Variants in EBF1 observed in about 807,000 individuals in gnomAD.
The protein encoded by EBF1 is EBF transcription factor 1.
Under a neutral mutation model 68.4 loss-of-function variants are expected in EBF1, and 10 were observed. The ratio of observed to expected loss-of-function variants is 0.15; its 90% confidence interval spans 0.09 to 0.25. EBF1 has a LOEUF of 0.25. EBF1 is among the 10% of genes least tolerant of loss of function. The probability of loss-of-function intolerance (pLI) is 1.00; values close to 1 mark genes in which losing one functional copy is unlikely to be tolerated. For missense variants in EBF1, 509 were observed against 794.4 expected (o/e 0.64, Z 4.32); for synonymous variants, 298 against 299.8 (o/e 0.99, Z 0.06).
At chr5:159,006,965 C>T (rs188924645) in intron 6 of EBF1, among the ~76,000 whole-genome samples, 4 of 152,284 alleles carry the variant, frequency 2.6e-5, no homozygotes, top group Admixed American at 2.0e-4. Flanking sequence ...AAGAATGTCA[C>T]CTTCCTATTA....
intron 4 of EBF1, 25 bp downstream of exon 4, chr5:159,095,595 C>G: frequency 6.2e-7 from 1 of 1,613,366 alleles, no homozygotes. Flanking sequence ...TAGAGCCCCC[C>G]GTGGCCCAAA....
intron 11 of EBF1, among the ~76,000 whole-genome samples, chr5:158,728,300 G>A (rs1763406675): frequency 6.6e-6 from 1 of 152,126 alleles, no homozygotes. Context: ...GCCGTGGAGT[G>A]TTTCCTTAAC....
chr5:158,808,293 T>C (rs1294473912), intron 8 of EBF1, among the ~76,000 whole-genome samples: 1 of 152,178 alleles, frequency 6.6e-6, no homozygotes, highest in Admixed American at 6.5e-5. Flanking sequence ...AAAGAGCAAA[T>C]ACTCGCACTT....
chr5:158,773,965 A>T (rs1272971421), intron 10 of EBF1, among the ~76,000 whole-genome samples: 1 of 152,184 alleles, frequency 6.6e-6, no homozygotes. Flanking sequence ...CAATCCTGTG[A>T]TTAGATAGTG....
At chr5:158,883,300 A>ATATATACATACATACATGTG in intron 6 of EBF1, among the ~76,000 whole-genome samples, 1 of 152,002 alleles carries the variant, frequency 6.6e-6, no homozygotes, top group East Asian at 1.9e-4. Context: ...ACAGGAACAT[A>ATATATACATACATACATGTG]TATATACATA....
At chr5:158,836,106 G>T (rs566332937) in intron 7 of EBF1, among the ~76,000 whole-genome samples, 34 of 152,292 alleles carry the variant, frequency 2.2e-4, no homozygotes, top group South Asian at 1.9e-3. Flanking sequence ...GCTTGGGGTG[G>T]AGGCAAAACG....
chr5:158,973,084 G>A (rs1012568443), intron 6 of EBF1, among the ~76,000 whole-genome samples: 7 of 152,164 alleles, frequency 4.6e-5, no homozygotes, highest in African/African-American at 7.2e-5. Flanking sequence ...ACCATTTGAC[G>A]TACTGGATAT....
chr5:158,861,090 G>C (rs1247158444), intron 6 of EBF1, among the ~76,000 whole-genome samples: 2 of 152,136 alleles, frequency 1.3e-5, no homozygotes, highest in Non-Finnish European at 2.9e-5. Flanking sequence ...GGGGTGATGA[G>C]TAAAATCAAC....
At chr5:158,920,454 T>C (rs1299100315) in intron 6 of EBF1, among the ~76,000 whole-genome samples, 1 of 152,246 alleles carries the variant, frequency 6.6e-6, no homozygotes, top group East Asian at 1.9e-4. Flanking sequence ...TGTCGTTCCC[T>C]GCCCTCCAAT....
chr5:158,886,593 G>C (rs952073208), intron 6 of EBF1, among the ~76,000 whole-genome samples: 2 of 152,172 alleles, frequency 1.3e-5, no homozygotes, highest in Non-Finnish European at 2.9e-5. Flanking sequence ...TTTACTTCTA[G>C]CCAGATATTT....
At chr5:158,995,976 A>G (rs1761334981) in intron 6 of EBF1, among the ~76,000 whole-genome samples, 2 of 152,174 alleles carry the variant, frequency 1.3e-5, no homozygotes, top group African/African-American at 2.4e-5. Context: ...TGCTGCATGA[A>G]GAGGACTTAG....
intron 6 of EBF1, among the ~76,000 whole-genome samples, chr5:158,862,602 C>T (rs1359007818): frequency 5.9e-5 from 9 of 152,072 alleles, no homozygotes; most frequent in Non-Finnish European, 4.4e-5. Context: ...CAAAGCAAGT[C>T]AATATTGGAT....
chr5:158,962,040 T>TACAA (rs1467249800), intron 6 of EBF1, among the ~76,000 whole-genome samples: 1 of 152,300 alleles, frequency 6.6e-6, no homozygotes, highest in African/African-American at 2.4e-5. Flanking sequence ...CATCTTTCCA[T>TACAA]ACAAACGCTG....
At chr5:158,714,472 C>T (rs1485173164) in intron 11 of EBF1, among the ~76,000 whole-genome samples, 2 of 152,108 alleles carry the variant, frequency 1.3e-5, no homozygotes, top group Non-Finnish European at 2.9e-5. Context: ...AATACAATTC[C>T]TAGGTCATTT....
rs1310454560 is a variant in EBF1 at position 158,696,473 on chromosome 5, C to G, written c.*2638G>C. On this transcript the variant is annotated 3_prime_UTR_variant, in exon 16 of 16. Coordinates refer to ENST00000313708, the MANE Select transcript of EBF1 (RefSeq NM_024007.5). Reference sequence around the variant, plus strand: ...GTCAAGGTCTAAGCCGGACACCTTCCCGGCTGACCGTTCATTCCTTCAGAA... The same window carrying G: ...GTCAAGGTCTAAGCCGGACACCTTCGCGGCTGACCGTTCATTCCTTCAGAA... The G allele has an allele frequency of 4.5e-6, 1 of 223,068 alleles. No individual in the cohort carries two copies. The highest frequency in any genetic ancestry group is 9.0e-6 in the Non-Finnish European group (1 of 111,728). 13.8% of individuals were successfully genotyped at this position (223,068 alleles called of 1,614,324 possible).
intron 10 of EBF1, among the ~76,000 whole-genome samples, chr5:158,756,124 C>T (rs1400758822): frequency 6.6e-6 from 1 of 152,102 alleles, no homozygotes; most frequent in Admixed American, 6.6e-5. Flanking sequence ...GTGAGTTCTA[C>T]TGGAGTCTTG....
At chr5:158,980,969 A>G (rs1757779202) in intron 6 of EBF1, among the ~76,000 whole-genome samples, 1 of 152,190 alleles carries the variant, frequency 6.6e-6, no homozygotes, top group Admixed American at 6.5e-5. Flanking sequence ...CTAAAACATG[A>G]TGAATATTTA....
chr5:159,065,567 C>T (rs539939046), intron 6 of EBF1, among the ~76,000 whole-genome samples: 8 of 152,200 alleles, frequency 5.3e-5, no homozygotes, highest in Non-Finnish European at 1.2e-4. Flanking sequence ...CCTACCCACA[C>T]ATGGTATCAA....
intron 7 of EBF1, among the ~76,000 whole-genome samples, chr5:158,827,744 A>G (rs1786507178): frequency 6.6e-6 from 1 of 152,360 alleles, no homozygotes; most frequent in South Asian, 2.1e-4. Context: ...GGAAGATCAC[A>G]TTAACAAAAG....
Sources: allele counts gnomAD v4.1 joint callset (sites outside exome capture counted in the v4.1 genomes callset), GRCh38; gene constraint gnomAD v4.1.1; transcripts MANE v1.5; gene names NCBI Gene and HGNC (gene_info 2026-07-23, HGNC 2026-07-21).